TEC: variants seen among roughly 807,000 people sequenced by gnomAD.
The protein encoded by TEC is tyrosine-protein kinase Tec.
Under a neutral mutation model 93.0 loss-of-function variants are expected in TEC, and 72 were observed. That is an observed-to-expected ratio of 0.77 (90% CI 0.64 to 0.94). The LOEUF (loss-of-function observed/expected upper bound fraction) is 0.94, where lower values mean the gene tolerates loss of function less well. Among genes scored for constraint, TEC ranks in the 40% least tolerant of loss-of-function variants. TEC has a pLI of 0.00. For missense variants in TEC, 630 were observed against 757.9 expected (o/e 0.83, Z 1.98); for synonymous variants, 249 against 247.7 (o/e 1.01, Z -0.05).
intron 2 of TEC, among the ~76,000 whole-genome samples, chr4:48,211,394 A>G (rs1482372072): frequency 7.1e-6 from 1 of 141,284 alleles, no homozygotes; most frequent in Non-Finnish European, 1.5e-5. Context: ...AAAATAAAAA[A>G]ATCACTCTGA....
chr4:48,265,860 T>G (rs1724627900), intron 1 of TEC, among the ~76,000 whole-genome samples: 1 of 152,080 alleles, frequency 6.6e-6, no homozygotes, highest in Non-Finnish European at 1.5e-5. Context: ...GAATGAAAGT[T>G]TCCAGATTCA....
intron 1 of TEC, among the ~76,000 whole-genome samples, chr4:48,251,752 G>C (rs1724207619): frequency 6.6e-6 from 1 of 152,164 alleles, no homozygotes; most frequent in Non-Finnish European, 1.5e-5. Flanking sequence ...AAAAGAAGAG[G>C]GGTGGGATGA....
chr4:48,193,870 A>G (rs1577740936), intron 2 of TEC, among the ~76,000 whole-genome samples: 2 of 152,192 alleles, frequency 1.3e-5, no homozygotes, highest in East Asian at 3.9e-4. Context: ...CTTGGGAGAG[A>G]TAAGCTTTGT....
At chr4:48,163,020 A>AT (rs369798763) in intron 8 of TEC, among the ~76,000 whole-genome samples, 2,248 of 149,620 alleles carry the variant, frequency 0.015, 50 homozygotes, top group African/African-American at 0.045. Context: ...ACGTTATCCC[A>AT]TTTTTTTTTT....
chr4:48,221,332 C>T (rs1368516957), intron 2 of TEC, among the ~76,000 whole-genome samples: 1 of 152,172 alleles, frequency 6.6e-6, no homozygotes, highest in Non-Finnish European at 1.5e-5. Context: ...TGCTGCTGTT[C>T]TCCTGATAGT....
At chr4:48,176,017 G>T in intron 3 of TEC, 65 bp downstream of exon 3, 1 of 1,251,488 alleles carries the variant, frequency 8.0e-7, no homozygotes, top group Non-Finnish European at 1.2e-6. Context: ...ACAGGAAACT[G>T]TAATGTCAAA....
At chr4:48,141,836 C>A (rs1486152033) in intron 14 of TEC, among the ~76,000 whole-genome samples, 1 of 152,032 alleles carries the variant, frequency 6.6e-6, no homozygotes, top group Non-Finnish European at 1.5e-5. Context: ...GCACCCACCA[C>A]CACAGCCAGC....
At chr4:48,253,049 C>A (rs1289922017) in intron 1 of TEC, among the ~76,000 whole-genome samples, 1 of 152,196 alleles carries the variant, frequency 6.6e-6, no homozygotes, top group Admixed American at 6.5e-5. Context: ...TTCATTTGAT[C>A]ATAGAACTTA....
At chr4:48,236,499 G>C (rs1242542448) in intron 1 of TEC, among the ~76,000 whole-genome samples, 1 of 152,136 alleles carries the variant, frequency 6.6e-6, no homozygotes, top group African/African-American at 2.4e-5. Context: ...AGCCAGGATG[G>C]TCTCGATCTC....
At chr4:48,241,227 A>T (rs1206420328) in intron 1 of TEC, among the ~76,000 whole-genome samples, 51 of 150,852 alleles carry the variant, frequency 3.4e-4, no homozygotes, top group Admixed American at 3.3e-3. Flanking sequence ...TTTTTTTTTT[A>T]AATACCTGTA....
intron 2 of TEC, among the ~76,000 whole-genome samples, chr4:48,211,242 A>G (rs529390503): frequency 6.6e-6 from 1 of 152,220 alleles, no homozygotes; most frequent in Non-Finnish European, 1.5e-5. Context: ...AGTTTCCTAC[A>G]ACTAAGAAGG....
intron 11 of TEC, among the ~76,000 whole-genome samples, chr4:48,148,947 A>C (rs977272642): frequency 2.0e-5 from 3 of 152,090 alleles, no homozygotes; most frequent in Non-Finnish European, 4.4e-5. Context: ...TTCCTGTGTT[A>C]GTTAGCTAAG....
At chr4:48,225,696 G>GTTTCTCTTTT (rs1294258447) in intron 2 of TEC, among the ~76,000 whole-genome samples, 23 of 149,812 alleles carry the variant, frequency 1.5e-4, no homozygotes, top group African/African-American at 5.7e-4. Flanking sequence ...TTCTTACAAA[G>GTTTCTCTTTT]TTTCTTTTTT....
At chr4:48,169,543 C>T (rs1721016263) in intron 5 of TEC, among the ~76,000 whole-genome samples, 1 of 152,086 alleles carries the variant, frequency 6.6e-6, no homozygotes. Context: ...CATAATACAG[C>T]ATCCCTGCCA....
chr4:48,195,392 A>G (rs746679910), intron 2 of TEC, among the ~76,000 whole-genome samples: 15 of 152,308 alleles, frequency 9.8e-5, no homozygotes, highest in Admixed American at 6.5e-5. Context: ...ATCATAAACC[A>G]GTAAAAGCAG....
At chr4:48,201,141 G>C (rs1011275727) in intron 2 of TEC, among the ~76,000 whole-genome samples, 1 of 152,144 alleles carries the variant, frequency 6.6e-6, no homozygotes, top group Non-Finnish European at 1.5e-5. Context: ...GGAACCAATA[G>C]AACCTGTTGA....
intron 2 of TEC, among the ~76,000 whole-genome samples, chr4:48,209,594 C>T (rs1291641007): frequency 6.6e-6 from 1 of 152,014 alleles, no homozygotes; most frequent in Admixed American, 6.6e-5. Context: ...GCCTGGGTAA[C>T]AGAGTGAGAC....
chr4:48,207,649 G>A (rs534246579), intron 2 of TEC, among the ~76,000 whole-genome samples: 63 of 150,806 alleles, frequency 4.2e-4, no homozygotes, highest in African/African-American at 1.3e-3. Flanking sequence ...TTAGCCGTGC[G>A]TGGTGGCACA....
At chr4:48,173,220 T>TC (rs1233864370) in intron 3 of TEC, among the ~76,000 whole-genome samples, 2 of 151,974 alleles carry the variant, frequency 1.3e-5, no homozygotes, top group Non-Finnish European at 2.9e-5. Flanking sequence ...CAGTCTAACT[T>TC]CCCCACAAAA....
Sources: gnomAD v4.1 joint callset for allele counts (sites outside exome capture counted in the v4.1 genomes callset) on GRCh38, gnomAD v4.1.1 for gene constraint, MANE v1.5 for transcripts, NCBI Gene and HGNC (gene_info 2026-07-23, HGNC 2026-07-21) for gene names.